PLK4: variants seen among roughly 807,000 people sequenced by gnomAD.
PLK4 encodes the protein polo like kinase 4.
A neutral mutation model predicts 103.0 loss-of-function variants in PLK4; 51 were observed. The ratio of observed to expected loss-of-function variants is 0.50; its 90% CI spans 0.40 to 0.63. PLK4 has a LOEUF of 0.63. PLK4 is among the 20% of genes least tolerant of loss of function. The pLI is 0.00. For missense variants in PLK4, 1,054 were observed against 1,151.0 expected (o/e 0.92, Z 1.22); for synonymous variants, 389 against 376.8 (o/e 1.03, Z -0.38).
At position 127,883,375 on chromosome 4, in the gene PLK4, T is replaced by C; in HGVS notation, c.222+18T>C. Reference sequence around the variant, plus strand: ...TCTTGGAGGTAAGATATAAATTTTGTAGAAGTGACCAAGGACACTGAATTT... The same window carrying C: ...TCTTGGAGGTAAGATATAAATTTTGCAGAAGTGACCAAGGACACTGAATTT... On this transcript the variant is annotated intron_variant, in intron 3 of 15. Transcript: ENST00000270861. 1 of 1,483,714 alleles carries C rather than the reference T, an allele frequency of 6.7e-7. No individual in the cohort carries two copies. Among genetic ancestry groups the C allele is most frequent in the South Asian group, 1.2e-5 (1 of 86,704 alleles). 91.9% of individuals were successfully genotyped at this position (1,483,714 alleles called of 1,614,324 possible).
At position 127,896,840 on chromosome 4, in the gene PLK4, T is replaced by A; in HGVS notation, c.2743T>A (p.Ser915Thr). ...TGTGTGGGTTCAGTTTAATGATGGG[T>A]CCCAGTTGGTTGTGCAGGCAGGAGT... ...GAVWVQFNDG[S>T]QLVVQAGVSS... Residue 915 changes from serine to threonine, a missense_variant, in exon 15 of 16, where the codon TCC (serine) becomes ACC (threonine). Transcript: ENST00000270861. 6.2e-7 allele frequency: 1 copy of A among 1,612,786 alleles called. No individual in the cohort carries two copies. The highest frequency in any genetic ancestry group is 8.5e-7 in the Non-Finnish European group (1 of 1,179,042).
At chr4:127,895,170 A>G (rs1735516145) in intron 14 of PLK4, 77 bp downstream of exon 14, 1 of 958,172 alleles carries the variant, frequency 1.0e-6, no homozygotes, top group Non-Finnish European at 1.5e-6. Context: ...CAATTACCAA[A>G]AAATACAAAT....
At chr4:127,889,837 T>G (rs770383560) in intron 6 of PLK4, 29 bp from the exon 7 acceptor site, 1 of 1,477,034 alleles carries the variant, frequency 6.8e-7, no homozygotes, top group African/African-American at 1.4e-5. Context: ...AGTTATTTAC[T>G]AAATTGCTTC....
rs113867661 is a variant in PLK4 at position 127,894,983 on chromosome 4, A to G, written c.2593A>G (p.Thr865Ala). 9.7e-5 allele frequency: 155 copies of G among 1,605,908 alleles called. No homozygotes were observed. In the African/African-American group the frequency reaches 1.6e-3, roughly 16 times the overall value. Residue 865 changes from threonine to alanine, a missense_variant, in exon 14 of 16, where the codon ACT (threonine) becomes GCT (alanine). Around this residue, in one of 4 missense-constraint regions of PLK4, gnomAD observed 167 missense variants for 200.7 expected, o/e 0.83. Transcript: ENST00000270861. ...TACAAATGAAGGACTTGGTCTTACAACTACAGCTTCTGGAACAGACATCTC... is the reference window on the plus strand; with the variant it reads ...TACAAATGAAGGACTTGGTCTTACAGCTACAGCTTCTGGAACAGACATCTC... ...MVTNEGLGLT[T>A]TASGTDISSN...
intron 13 of PLK4, among the ~76,000 whole-genome samples, chr4:127,894,181 G>C (rs1735472980): frequency 6.6e-6 from 1 of 151,778 alleles, no homozygotes; most frequent in African/African-American, 2.4e-5. Context: ...ACCTCAATGA[G>C]CCCTAATCTC....
intron 2 of PLK4, among the ~76,000 whole-genome samples, chr4:127,882,750 T>C (rs375489252): frequency 4.8e-4 from 73 of 151,890 alleles, no homozygotes; most frequent in Middle Eastern, 3.4e-3. Context: ...AAGAGCTAAA[T>C]TCCCATCTCA....
intron 4 of PLK4, among the ~76,000 whole-genome samples, chr4:127,883,840 C>G (rs942540457): frequency 2.0e-5 from 3 of 151,916 alleles, no homozygotes; most frequent in African/African-American, 7.3e-5. Context: ...ATGTAGTAAC[C>G]TTTTTAGGAT....
intron 14 of PLK4, among the ~76,000 whole-genome samples, chr4:127,895,711 G>GC (rs754659356): frequency 2.6e-5 from 4 of 151,892 alleles, no homozygotes; most frequent in African/African-American, 4.8e-5. Flanking sequence ...GTGAGCCACT[G>GC]CCCCCGGCCA....
Position 127,892,429 on chromosome 4 carries a change from C to A in PLK4, c.2103C>A (p.Pro701=). 6.3e-7 allele frequency: 1 copy of A among 1,586,276 alleles called. No individual in the cohort carries two copies. The highest frequency in any genetic ancestry group is 8.6e-7 in the Non-Finnish European group (1 of 1,168,686). Reference sequence around the variant, plus strand: ...TACAGCTTGTAAGATCTAAATCTCCCAAAATCACTTATTTTACAAGATATG... The same window carrying A: ...TACAGCTTGTAAGATCTAAATCTCCAAAAATCACTTATTTTACAAGATATG... ...RFVQLVRSKS[P]KITYFTRYAK... The change falls in exon 10 of 16, where the codon CCC becomes CCA. Residue 701 remains proline (P), a synonymous_variant. Coordinates refer to ENST00000270861, the MANE Select transcript of PLK4 (RefSeq NM_014264.5).
intron 13 of PLK4, among the ~76,000 whole-genome samples, chr4:127,894,132 A>G (rs779448015): frequency 1.3e-5 from 2 of 152,038 alleles, no homozygotes; most frequent in Admixed American, 6.5e-5. Flanking sequence ...TTAACTTTAT[A>G]TGTGTAAGTC....
At position 127,888,177 on chromosome 4, in the gene PLK4, C is replaced by CAAAAAAAAAAAAAAAAA. The variant is rs58491426; in HGVS notation, c.1459+700_1459+716dup. On this transcript the variant is annotated intron_variant, in intron 6 of 15. Transcript: ENST00000270861. ...TCTAGGTGATAGAGCTAGACTGTCT[C>CAAAAAAAAAAAAAAAAA]AAAAAAAAAAAAAAAAAAAAAAAAA... Among the ~76,000 whole-genome samples, 8 of 33,244 alleles carry CAAAAAAAAAAAAAAAAA rather than the reference C, an allele frequency of 2.4e-4. 2 individuals carry two copies. Among genetic ancestry groups the CAAAAAAAAAAAAAAAAA allele is most frequent in the Non-Finnish European group, 3.9e-4 (7 of 17,732 alleles). The allele number at this position is 33,244 out of a possible 152,430, so 21.8% of individuals were successfully genotyped here.
rs1001585829 is a variant in PLK4 at position 127,894,033 on chromosome 4, C to G, written c.2562+152C>G. On this transcript the variant is annotated intron_variant, in intron 13 of 15. Coordinates refer to ENST00000270861, the MANE Select transcript of PLK4 (RefSeq NM_014264.5). Reference sequence around the variant, plus strand: ...TTATCCCATACTATTTATGTTTGAGCGTCAAAGGCCTTCTTTCAGTTCTTT... The same window carrying G: ...TTATCCCATACTATTTATGTTTGAGGGTCAAAGGCCTTCTTTCAGTTCTTT... The G allele has an allele frequency of 5.3e-6, 3 of 560,994 alleles. No homozygotes were observed. The African/African-American group carries it at 5.7e-5, about 11-fold the overall frequency. 34.8% of individuals were successfully genotyped at this position (560,994 alleles called of 1,614,324 possible).
At chr4:127,881,241 A>G (rs1734905488) in intron 1 of PLK4, 77 bp downstream of exon 1, 2 of 1,605,936 alleles carry the variant, frequency 1.2e-6, no homozygotes, top group Non-Finnish European at 1.7e-6. Flanking sequence ...TGGGAAGGGG[A>G]GCGAACGAAG....
intron 13 of PLK4, among the ~76,000 whole-genome samples, chr4:127,894,126 C>G (rs1735471712): frequency 6.6e-6 from 1 of 152,162 alleles, no homozygotes; most frequent in Non-Finnish European, 1.5e-5. Context: ...AACCACTTAA[C>G]TTTATATGTG....
intron 5 of PLK4, among the ~76,000 whole-genome samples, chr4:127,886,965 G>A (rs979743443): frequency 6.6e-6 from 1 of 152,050 alleles, no homozygotes; most frequent in Non-Finnish European, 1.5e-5. Context: ...TTTATATGGA[G>A]TGAGTCTCCA....
At position 127,881,443 on chromosome 4, in the gene PLK4, C is replaced by T. The variant is rs1423115955; in HGVS notation, c.30+279C>T. On this transcript the variant is annotated intron_variant, in intron 1 of 15. Coordinates refer to ENST00000270861, the MANE Select transcript of PLK4 (RefSeq NM_014264.5). The stretch of plus-strand genomic sequence containing the variant: ...TTCAGCAATCCCGCCCGAGCTACCG[C>T]GTTAGAGCAGGGCAGGGCTACCTCC... 14 of 1,338,926 alleles carry T rather than the reference C, an allele frequency of 1.0e-5. No homozygotes were observed. In the East Asian group the frequency reaches 3.0e-4, roughly 29 times the overall value. The allele number at this position is 1,338,926 out of a possible 1,614,324, so 82.9% of individuals were successfully genotyped here.
At position 127,893,408 on chromosome 4, in the gene PLK4, A is replaced by G; in HGVS notation, c.2312A>G (p.His771Arg). The G allele has an allele frequency of 6.2e-7, 1 of 1,606,256 alleles. No homozygotes were observed. The highest frequency in any genetic ancestry group is 8.5e-7 in the Non-Finnish European group (1 of 1,175,518). The stretch of plus-strand genomic sequence containing the variant: ...GAGGAGATAAAAATGTATATGGACC[A>G]TGCTAATGAGGTACATACCTAATTG... Reference protein sequence around the residue: ...LKEEIKMYMDHANEGHRICLA... With the variant: ...LKEEIKMYMDRANEGHRICLA... The change falls in exon 11 of 16, where the codon CAT (histidine) becomes CGT (arginine). Residue 771 changes from histidine to arginine, a missense_variant. This residue lies in a region of PLK4 where 680 missense variants were observed against 660.3 expected (regional missense o/e 1.03). Coordinates refer to ENST00000270861, the MANE Select transcript of PLK4 (RefSeq NM_014264.5).
Position 127,895,452 on chromosome 4 carries a change from C to CTTTTTTTTTTTTTTTTT in PLK4, c.2703+371_2703+387dup, listed in dbSNP as rs70966059. Among the ~76,000 whole-genome samples, 25 of 65,194 alleles carry CTTTTTTTTTTTTTTTTT rather than the reference C, an allele frequency of 3.8e-4. 2 individuals are homozygous for CTTTTTTTTTTTTTTTTT. The highest frequency in any genetic ancestry group is 6.6e-4 in the Non-Finnish European group (23 of 35,114). 42.8% of individuals were successfully genotyped at this position (65,194 alleles called of 152,430 possible). A position where few individuals can be genotyped will look rare whatever the true frequency, so the allele number is the denominator to read the frequency against. ...TAATCAATATTAGTAGAGTAACTTT[C>CTTTTTTTTTTTTTTTTT]TTTTTTTTTTTTTTTTTTTTTTTTT... On this transcript the variant is annotated intron_variant, in intron 14 of 15. Transcript: ENST00000270861.
intron 5 of PLK4, 97 bp from the exon 6 acceptor site, chr4:127,887,299 T>A: frequency 4.4e-6 from 3 of 677,580 alleles, no homozygotes. Flanking sequence ...TGTTCAGGTA[T>A]TCAAATCAGA....
Sources: allele counts gnomAD v4.1 joint callset (sites outside exome capture counted in the v4.1 genomes callset), GRCh38; gene constraint gnomAD v4.1.1; regional missense constraint gnomAD v4.1.1; transcripts MANE v1.5; gene names NCBI Gene and HGNC (gene_info 2026-07-23, HGNC 2026-07-21).